NR1H4: variants seen among roughly 807,000 people sequenced by gnomAD.
NR1H4 encodes nuclear receptor subfamily 1 group H member 4, also known as bile acid receptor.
In NR1H4, 23 loss-of-function variants were observed where a neutral mutation model predicts 58.5. The observed-to-expected ratio is 0.39, with a 90% confidence interval of 0.28 to 0.56. NR1H4 has a LOEUF of 0.56. NR1H4 is among the 20% of genes least tolerant of loss of function. The pLI, the probability that NR1H4 is intolerant of heterozygous loss-of-function variation, is 0.58. For synonymous variants in NR1H4, 214 were observed against 198.0 expected (o/e 1.08, Z -0.68); for missense variants, 487 against 576.9 (o/e 0.84, Z 1.60).
At position 100,540,794 on chromosome 12, in the gene NR1H4, T is replaced by C. The variant is rs1414523969; in HGVS notation, c.1054T>C (p.Leu352=). 3 of 1,614,178 alleles carry C rather than the reference T, an allele frequency of 1.9e-6. No individual in the cohort carries two copies. Among genetic ancestry groups the C allele is most frequent in the Non-Finnish European group, 8.5e-7 (1 of 1,180,022 alleles). Residue 352 remains leucine, a synonymous_variant, in exon 9 of 11, where the codon TTG becomes CTG. Coordinates refer to ENST00000392986, the MANE Select transcript of NR1H4 (RefSeq NM_001206979.2). The part of the protein sequence containing the change: ...KKLPSGHSDL[L]EERIRNSGIS... ...ACTTCCGTCTGGGCATTCTGACCTA[T>C]TGGAAGAAAGAATTCGAAATAGTGG... is the stretch of plus-strand genomic sequence containing the variant.
At chr12:100,550,834 C>G (rs1011026231) in intron 9 of NR1H4, among the ~76,000 whole-genome samples, 1 of 152,130 alleles carries the variant, frequency 6.6e-6, no homozygotes, top group Non-Finnish European at 1.5e-5. Context: ...TAAGAATTTA[C>G]CAGTATGACA....
intron 9 of NR1H4, among the ~76,000 whole-genome samples, chr12:100,541,289 C>T (rs1203109474): frequency 6.9e-6 from 1 of 144,614 alleles, no homozygotes; most frequent in Non-Finnish European, 1.5e-5. Context: ...TTCTTCCTTT[C>T]TTTTTTTTTT....
At chr12:100,498,369 G>A (rs1363270352) in intron 3 of NR1H4, among the ~76,000 whole-genome samples, 1 of 152,082 alleles carries the variant, frequency 6.6e-6, no homozygotes, top group Non-Finnish European at 1.5e-5. Flanking sequence ...CTGGGCGCGG[G>A]GGCTCATGCC....
chr12:100,482,554 T>C (rs1327464308), intron 1 of NR1H4, among the ~76,000 whole-genome samples: 5 of 152,208 alleles, frequency 3.3e-5, no homozygotes, highest in Non-Finnish European at 7.3e-5. Flanking sequence ...AGATCCAATG[T>C]AATCTCTCCT....
chr12:100,481,088 C>T (rs1410026257), intron 1 of NR1H4, among the ~76,000 whole-genome samples: 1 of 152,132 alleles, frequency 6.6e-6, no homozygotes, highest in Non-Finnish European at 1.5e-5. Context: ...TGTTGGTCAA[C>T]GAATTTATTA....
At chr12:100,555,123 A>C (rs990994070) in intron 9 of NR1H4, among the ~76,000 whole-genome samples, 8 of 152,188 alleles carry the variant, frequency 5.3e-5, no homozygotes, top group African/African-American at 1.9e-4. Flanking sequence ...GTGTGTGGGG[A>C]TTTAGAAAGG....
In NR1H4 at chr12:100,524,240, G is replaced by A. The variant is rs76655891; in HGVS notation, c.446-8218G>A. On this transcript the variant is annotated intron_variant, in intron 4 of 10. Coordinates refer to ENST00000392986, the MANE Select transcript of NR1H4 (RefSeq NM_001206979.2). ...TAAATCTACACTCAAGAAAAAAATGGAAATAGGCATTTAAGCAGCAGTTTG... is the reference window on the plus strand; with the variant it reads ...TAAATCTACACTCAAGAAAAAAATGAAAATAGGCATTTAAGCAGCAGTTTG... 1.3e-3 allele frequency among the ~76,000 whole-genome samples: 204 copies of A among 152,274 alleles called. 1 individual carries two copies. The highest frequency in any genetic ancestry group is 4.6e-3 in the African/African-American group (193 of 41,562).
intron 6 of NR1H4, among the ~76,000 whole-genome samples, chr12:100,536,008 G>C (rs1954804511): frequency 6.6e-6 from 1 of 152,140 alleles, no homozygotes; most frequent in South Asian, 2.1e-4. Context: ...GAGTGTGACT[G>C]TGTTCCAATA....
In NR1H4 at chr12:100,493,251, CTA is replaced by C. The variant is rs1384354467; in HGVS notation, c.-54-17_-54-16del. 2.3e-5 allele frequency: 18 copies of C among 776,552 alleles called. No homozygotes were observed. The highest frequency in any genetic ancestry group is 3.6e-5 in the Non-Finnish European group (16 of 439,750). The allele number at this position is 776,552 out of a possible 1,614,324, so 48.1% of individuals were successfully genotyped here. On this transcript the variant is annotated splice_polypyrimidine_tract_variant and intron_variant, in intron 2 of 10. Transcript: ENST00000392986. ...CTTCCCGCATTCCCACAGTCACAAACTATTTATTTTCCTTTCAGGAGTTTTTT... is the reference window on the plus strand; with the variant it reads ...CTTCCCGCATTCCCACAGTCACAAACTTTATTTTCCTTTCAGGAGTTTTTT...
chr12:100,510,607 T>TTTTATATATATATATATA (rs373001024), intron 3 of NR1H4, among the ~76,000 whole-genome samples, 171 bp from the exon 4 acceptor site: 5 of 133,694 alleles, frequency 3.7e-5, no homozygotes, highest in Admixed American at 3.1e-4. Flanking sequence ...TCATTTAATT[T>TTTTATATATATATATATA]TATATATATA....
intron 4 of NR1H4, among the ~76,000 whole-genome samples, chr12:100,524,148 AG>A (rs1260557664): frequency 1.3e-5 from 2 of 152,244 alleles, no homozygotes; most frequent in African/African-American, 4.8e-5. Context: ...CAAACATATA[AG>A]CAATATGTAT....
chr12:100,499,438 G>A lies in NR1H4; in HGVS notation c.79+6036G>A, dbSNP rs1566435758. ...CAGTCTCTAAGGCATTTAATTTACT[G>A]TTACTTTGGTTTTTTCTTTCTCAAG... On this transcript the variant is annotated intron_variant, in intron 3 of 10. Transcript: ENST00000392986. Among the ~76,000 whole-genome samples the A allele has an allele frequency of 2.6e-5, 4 of 152,246 alleles. No individual in the cohort carries two copies. In the East Asian group the frequency reaches 7.7e-4, roughly 29 times the overall value.
chr12:100,556,448 C>G (rs989395148), intron 9 of NR1H4, among the ~76,000 whole-genome samples: 16 of 128,194 alleles, frequency 1.2e-4, no homozygotes, highest in African/African-American at 4.3e-4. Context: ...GCCTGGGCAA[C>G]AAGAGTGAAA....
chr12:100,494,578 C>A (rs530669113), intron 3 of NR1H4, among the ~76,000 whole-genome samples: 46 of 152,306 alleles, frequency 3.0e-4, no homozygotes, highest in African/African-American at 8.9e-4. Flanking sequence ...GCCAGTTCTC[C>A]CAAGTACTTG....
intron 9 of NR1H4, 51 bp from the exon 10 acceptor site, chr12:100,561,834 C>A (rs182152099): frequency 1.7e-3 from 1,404 of 805,244 alleles, no homozygotes; most frequent in Non-Finnish European, 2.8e-3. Context: ...TCTAGTTTTA[C>A]ACTGTTTAGT....
intron 4 of NR1H4, among the ~76,000 whole-genome samples, chr12:100,521,959 C>T (rs142223800): frequency 2.6e-5 from 4 of 152,190 alleles, no homozygotes; most frequent in Non-Finnish European, 5.9e-5. Flanking sequence ...TTATGAAAAT[C>T]GTGGGAAGAG....
At chr12:100,505,573 A>C (rs1042057259) in intron 3 of NR1H4, 2 of 700,970 alleles carry the variant, frequency 2.9e-6, no homozygotes, top group Admixed American at 4.0e-5. Context: ...CTTTCTTTTC[A>C]GGGCTTCTCA....
intron 9 of NR1H4, among the ~76,000 whole-genome samples, chr12:100,547,199 G>A (rs752135391): frequency 6.6e-6 from 1 of 152,126 alleles, no homozygotes; most frequent in Non-Finnish European, 1.5e-5. Context: ...AGGATATGTG[G>A]TCAAACCCCA....
At chr12:100,504,183 G>T (rs1413569341) in intron 3 of NR1H4, among the ~76,000 whole-genome samples, 1 of 152,038 alleles carries the variant, frequency 6.6e-6, no homozygotes, top group Non-Finnish European at 1.5e-5. Context: ...CCAGGCTCTT[G>T]GTTTTCTCTG....
Sources: allele counts gnomAD v4.1 joint callset (sites outside exome capture counted in the v4.1 genomes callset), GRCh38; gene constraint gnomAD v4.1.1; transcripts MANE v1.5; gene names NCBI Gene and HGNC (gene_info 2026-07-23, HGNC 2026-07-21).